The following IMPG1 variants were observed in gnomAD, a reference collection of about 807,000 sequenced individuals.
IMPG1 encodes interphotoreceptor matrix proteoglycan 1, also known as interphotoreceptor matrix proteoglycan of 150 kDa.
A neutral mutation model predicts 92.0 loss-of-function variants in IMPG1; 85 were observed. That is an observed-to-expected ratio of 0.92 (90% CI 0.78 to 1.11). The LOEUF (loss-of-function observed/expected upper bound fraction) is 1.11, where lower values mean the gene tolerates loss of function less well. Among genes scored for constraint, IMPG1 ranks in the 50% least tolerant of loss-of-function variants. The pLI is 0.00. For synonymous variants in IMPG1, 367 were observed against 334.1 expected, an observed-to-expected ratio of 1.10 and a Z score of -1.08; for missense variants, 1,022 against 956.0, an observed-to-expected ratio of 1.07 and a Z score of -0.91.
At position 76,025,195 on chromosome 6, in the gene IMPG1, T is replaced by A. The variant is rs1164895760; in HGVS notation, c.561A>T (p.Thr187=). Residue 187 remains threonine, a splice_region_variant and synonymous_variant, in exon 5 of 17, where the codon ACA becomes ACT. Transcript: ENST00000369950. The stretch of plus-strand genomic sequence containing the variant: ...CAAAGAAATTAGATCTAAGCTTACC[T>A]GTTGAAATGACAATGGTTTCACCAG... The part of the protein sequence containing the change: ...GEPGETIVIS[T]DVANVSLGPF... The A allele has an allele frequency of 1.3e-6, 2 of 1,579,746 alleles. No homozygotes were observed. Among genetic ancestry groups the A allele is most frequent in the South Asian group, 1.1e-5 (1 of 89,594 alleles).
intron 5 of IMPG1, among the ~76,000 whole-genome samples, chr6:76,024,044 T>C (rs995898506): frequency 3.3e-5 from 5 of 152,168 alleles, no homozygotes; most frequent in Non-Finnish European, 5.9e-5. Context: ...TATGGGGGAA[T>C]TAACTATGTA....
intron 12 of IMPG1, among the ~76,000 whole-genome samples, chr6:75,967,484 C>T (rs1782326586): frequency 6.6e-6 from 1 of 152,060 alleles, no homozygotes; most frequent in Non-Finnish European, 1.5e-5. Context: ...ACAGACACCT[C>T]ATCAGACACA....
intron 12 of IMPG1, among the ~76,000 whole-genome samples, chr6:76,002,213 C>A (rs1783004679): frequency 6.6e-6 from 1 of 152,068 alleles, no homozygotes; most frequent in Admixed American, 6.6e-5. Flanking sequence ...GTTCTTGGAG[C>A]CACTAAATCA....
At chr6:75,986,837 C>T (rs1400082499) in intron 12 of IMPG1, among the ~76,000 whole-genome samples, 1 of 151,832 alleles carries the variant, frequency 6.6e-6, no homozygotes, top group Non-Finnish European at 1.5e-5. Context: ...AAAAAGAAAA[C>T]AAATAAAACA....
Position 76,007,516 on chromosome 6 carries a change from C to T in IMPG1, c.867-16G>A. ...TTTCTTTGGTCTTCATTTCATCATGCACAATGGAAACATGAAAAAGAGAAA... is the reference window on the plus strand; with the variant it reads ...TTTCTTTGGTCTTCATTTCATCATGTACAATGGAAACATGAAAAAGAGAAA... On this transcript the variant is annotated splice_polypyrimidine_tract_variant and intron_variant, in intron 8 of 16. Transcript: ENST00000369950. The T allele has an allele frequency of 1.3e-6, 2 of 1,581,796 alleles. No homozygotes were observed. The highest frequency in any genetic ancestry group is 8.6e-7 in the Non-Finnish European group (1 of 1,160,500).
At position 75,921,870 on chromosome 6, in the gene IMPG1, T is replaced by G; in HGVS notation, c.*219A>C. On this transcript the variant is annotated 3_prime_UTR_variant, in exon 17 of 17. Coordinates refer to ENST00000369950, the MANE Select transcript of IMPG1 (RefSeq NM_001563.4). ...GTAAAAATATGTTTCGCTGATTGCATTTGGGGTTTTAATAATAAGTAAGTG... is the reference window on the plus strand; with the variant it reads ...GTAAAAATATGTTTCGCTGATTGCAGTTGGGGTTTTAATAATAAGTAAGTG... 2.6e-6 allele frequency: 1 copy of G among 389,168 alleles called. No individual in the cohort carries two copies. Among genetic ancestry groups the G allele is most frequent in the East Asian group, 5.0e-5 (1 of 19,910 alleles). 24.1% of individuals were successfully genotyped at this position (389,168 alleles called of 1,614,324 possible).
rs530208227 is a variant in IMPG1 at position 75,985,924 on chromosome 6, T to A, written c.1291+16994A>T. ...ATATATGAAGTCTCACATTGCCTGATCTGTTGGTGCCCATGTCAACCCTTA... is the reference window on the plus strand; with the variant it reads ...ATATATGAAGTCTCACATTGCCTGAACTGTTGGTGCCCATGTCAACCCTTA... On this transcript the variant is annotated intron_variant, in intron 12 of 16. Coordinates refer to ENST00000369950, the MANE Select transcript of IMPG1 (RefSeq NM_001563.4). Among the ~76,000 whole-genome samples, 11 of 152,292 alleles carry A rather than the reference T, an allele frequency of 7.2e-5. No individual in the cohort carries two copies. The South Asian group carries it at 2.1e-3, about 29-fold the overall frequency.
intron 2 of IMPG1, among the ~76,000 whole-genome samples, chr6:76,036,550 T>TA (rs1783745163): frequency 6.6e-6 from 1 of 152,210 alleles, no homozygotes; most frequent in Non-Finnish European, 1.5e-5. Flanking sequence ...ATAAATCTTA[T>TA]AGTCACAAGA....
At chr6:75,922,667 T>C (rs967508565) in intron 16 of IMPG1, among the ~76,000 whole-genome samples, 2 of 152,216 alleles carry the variant, frequency 1.3e-5, no homozygotes, top group Non-Finnish European at 2.9e-5. Context: ...ATCTGGTACT[T>C]CGGGATTTAG....
intron 16 of IMPG1, among the ~76,000 whole-genome samples, chr6:75,922,392 A>G (rs563293458): frequency 6.6e-6 from 1 of 152,176 alleles, no homozygotes; most frequent in Admixed American, 6.5e-5. Context: ...GACCCATCTC[A>G]TAGAGCAGGA....
At chr6:76,014,307 A>C (rs1783245144) in intron 7 of IMPG1, among the ~76,000 whole-genome samples, 1 of 152,206 alleles carries the variant, frequency 6.6e-6, no homozygotes, top group East Asian at 1.9e-4. Context: ...TGGAAAGAGC[A>C]GAGCAAGTCT....
intron 12 of IMPG1, among the ~76,000 whole-genome samples, chr6:75,980,472 T>C (rs189634876): frequency 6.6e-6 from 1 of 152,222 alleles, no homozygotes; most frequent in African/African-American, 2.4e-5. Context: ...TTTGAGTCAG[T>C]GGGCTGGGAA....
intron 7 of IMPG1, among the ~76,000 whole-genome samples, chr6:76,016,051 T>C (rs1783282162): frequency 6.6e-6 from 1 of 152,158 alleles, no homozygotes; most frequent in Non-Finnish European, 1.5e-5. Flanking sequence ...GGAAATAATA[T>C]TACTCACTTA....
chr6:75,985,154 A>G (rs976434618), intron 12 of IMPG1, among the ~76,000 whole-genome samples: 3 of 152,236 alleles, frequency 2.0e-5, no homozygotes, highest in Admixed American at 1.3e-4. Context: ...AGTTTGAGCC[A>G]TTTGAAATTC....
At chr6:76,015,993 C>T (rs941255859) in intron 7 of IMPG1, among the ~76,000 whole-genome samples, 7 of 152,000 alleles carry the variant, frequency 4.6e-5, no homozygotes, top group African/African-American at 1.2e-4. Context: ...AAAAGTGGCA[C>T]CGTTGGACAT....
At position 76,072,418 on chromosome 6, in the gene IMPG1, T is replaced by G; in HGVS notation, c.67+4A>C. 1.3e-6 allele frequency: 2 copies of G among 1,492,752 alleles called. No homozygotes were observed. Among genetic ancestry groups the G allele is most frequent in the Non-Finnish European group, 1.9e-6 (2 of 1,077,466 alleles). 92.5% of individuals were successfully genotyped at this position (1,492,752 alleles called of 1,614,324 possible). A position where few individuals can be genotyped will look rare whatever the true frequency, so the allele number is the denominator to read the frequency against. ...ATTTAAAAGTAAACATTTAAGTAAC[T>G]TACCTTTGGTTCCTTGAACTTGGAG... On this transcript the variant is annotated splice_donor_region_variant and intron_variant, in intron 1 of 16. Transcript: ENST00000369950.
chr6:75,956,239 G>T (rs1261876404), intron 12 of IMPG1, among the ~76,000 whole-genome samples: 2 of 152,142 alleles, frequency 1.3e-5, no homozygotes, highest in African/African-American at 4.8e-5. Context: ...GGCTTTTCTT[G>T]TTGGTAGGTT....
chr6:75,923,761 T>C, intron 15 of IMPG1, 55 bp from the exon 16 acceptor site: 1 of 960,282 alleles, frequency 1.0e-6, no homozygotes, highest in Non-Finnish European at 1.6e-6. Flanking sequence ...TCAACATTAA[T>C]AGTAACTACA....
At chr6:75,947,265 A>C in intron 14 of IMPG1, 49 bp downstream of exon 14, 3 of 1,467,982 alleles carry the variant, frequency 2.0e-6, no homozygotes, top group Non-Finnish European at 2.9e-6. Flanking sequence ...AACGAAATTA[A>C]AAAAATGAAC....
Sources: allele counts gnomAD v4.1 joint callset (sites outside exome capture counted in the v4.1 genomes callset), GRCh38; gene constraint gnomAD v4.1.1; transcripts MANE v1.5; gene names NCBI Gene and HGNC (gene_info 2026-07-23, HGNC 2026-07-21).